The following PPFIA2 variants were observed in gnomAD, a reference collection of about 807,000 sequenced individuals.
The protein encoded by PPFIA2 is liprin-alpha-2.
Under a neutral mutation model 175.5 loss-of-function variants are expected in PPFIA2, and 46 were observed. The ratio of observed to expected loss-of-function variants is 0.26; its 90% CI spans 0.21 to 0.34. PPFIA2 has a LOEUF of 0.34. Ranked by LOEUF, PPFIA2 falls within the 10% of genes least tolerant of loss-of-function variation. The pLI, the probability that PPFIA2 is intolerant of heterozygous loss-of-function variation, is 1.00. For missense variants in PPFIA2, 1,179 were observed against 1,506.1 expected (o/e 0.78, Z 3.60); for synonymous variants, 568 against 511.4 (o/e 1.11, Z -1.49).
chr12:81,542,066 T>C (rs896875329), intron 4 of PPFIA2, among the ~76,000 whole-genome samples: 9 of 152,126 alleles, frequency 5.9e-5, no homozygotes, highest in Non-Finnish European at 1.3e-4. Context: ...CCCTGGAACT[T>C]ACGAACATTA....
intron 19 of PPFIA2, among the ~76,000 whole-genome samples, chr12:81,343,249 T>G (rs974427389): frequency 6.6e-6 from 1 of 152,068 alleles, no homozygotes. Context: ...TCTCACAAAT[T>G]ATGTTGTTAC....
chr12:81,580,546 T>C (rs925505180), intron 4 of PPFIA2, among the ~76,000 whole-genome samples: 7 of 151,326 alleles, frequency 4.6e-5, no homozygotes, highest in African/African-American at 1.7e-4. Flanking sequence ...AAATACACAT[T>C]AAATATAAAT....
chr12:81,369,244 CTT>C, intron 11 of PPFIA2, 50 bp from the exon 12 acceptor site: 1 of 1,581,930 alleles, frequency 6.3e-7, no homozygotes, highest in Middle Eastern at 1.7e-4. Flanking sequence ...TTGGTTAACA[CTT>C]TTCCTCTAAA....
chr12:81,522,365 TGTCTTGCATGATCAGA>T (rs2153242264), intron 4 of PPFIA2, among the ~76,000 whole-genome samples: 1 of 152,300 alleles, frequency 6.6e-6, no homozygotes, highest in African/African-American at 2.4e-5. Context: ...CAACTACATA[TGTCTTGCATGATCAGA>T]AAAATATGAT....
intron 7 of PPFIA2, among the ~76,000 whole-genome samples, chr12:81,411,143 C>G (rs1007069563): frequency 2.6e-5 from 4 of 152,064 alleles, no homozygotes; most frequent in Non-Finnish European, 5.9e-5. Flanking sequence ...ATTTACCAGA[C>G]AGACATGGTA....
chr12:81,642,764 ATATG>A lies in PPFIA2; in HGVS notation c.303+34023_303+34026del, dbSNP rs1167895620. 1.6e-3 allele frequency among the ~76,000 whole-genome samples: 19 copies of A among 11,734 alleles called. 4 individuals carry two copies. Among genetic ancestry groups the A allele is most frequent in the Non-Finnish European group, 4.1e-3 (18 of 4,418 alleles). 7.7% of individuals were successfully genotyped at this position (11,734 alleles called of 152,430 possible). A position where few individuals can be genotyped will look rare whatever the true frequency, so the allele number is the denominator to read the frequency against. On this transcript the variant is annotated intron_variant, in intron 4 of 32. Transcript: ENST00000549396. ...ATGTATGTATTATATACATACATGT[ATATG>A]TATGTATGTATTATATACATACATG... is the stretch of plus-strand genomic sequence containing the variant.
At chr12:81,476,043 TTGA>T (rs1420475758) in intron 4 of PPFIA2, among the ~76,000 whole-genome samples, 1 of 152,224 alleles carries the variant, frequency 6.6e-6, no homozygotes, top group Non-Finnish European at 1.5e-5. Context: ...TGTCTTTTTG[TTGA>T]TGATAAGTTT....
chr12:81,260,543 G>T (rs999369987), intron 32 of PPFIA2: 1 of 152,150 alleles, frequency 6.6e-6, no homozygotes, highest in Non-Finnish European at 1.5e-5. Flanking sequence ...TTTAAATCAT[G>T]TCTAATTAGG....
chr12:81,508,070 C>T (rs2061365193), intron 4 of PPFIA2, among the ~76,000 whole-genome samples: 1 of 152,132 alleles, frequency 6.6e-6, no homozygotes, highest in Admixed American at 6.5e-5. Context: ...CTAGTAGTCA[C>T]ATTGTATTAA....
chr12:81,439,966 G>A lies in PPFIA2; in HGVS notation c.645+6C>T. ...CCTCAAAAGAGGAGAAAGTGTGGCA[G>A]GTTACCTCCTGATTAGCAGCAGCTA... On this transcript the variant is annotated splice_donor_region_variant and intron_variant, in intron 7 of 32. Coordinates refer to ENST00000549396, the MANE Select transcript of PPFIA2 (RefSeq NM_003625.5). 1.2e-6 allele frequency: 2 copies of A among 1,604,000 alleles called. No homozygotes were observed. Among genetic ancestry groups the A allele is most frequent in the Non-Finnish European group, 1.7e-6 (2 of 1,176,050 alleles).
In PPFIA2 at chr12:81,560,967, G is replaced by A. The variant is rs567603226; in HGVS notation, c.304-103101C>T. On this transcript the variant is annotated intron_variant, in intron 4 of 32. Transcript: ENST00000549396. ...TTTATGCAAAAGACTTTCTGCCCAC[G>A]TTTTAAATCAATGAGCTTTGTTCCT... Among the ~76,000 whole-genome samples, 47 of 152,146 alleles carry A rather than the reference G, an allele frequency of 3.1e-4. 2 individuals are homozygous for A. The South Asian group carries it at 8.7e-3, about 28-fold the overall frequency.
At chr12:81,533,738 T>C (rs1969382) in intron 4 of PPFIA2, among the ~76,000 whole-genome samples, 2 of 68,614 alleles carry the variant, frequency 2.9e-5, no homozygotes, top group African/African-American at 8.0e-5. Flanking sequence ...TATCTATCTA[T>C]ATATCTATCT....
intron 3 of PPFIA2, among the ~76,000 whole-genome samples, chr12:81,713,714 G>T (rs987447117): frequency 1.2e-4 from 18 of 151,062 alleles, no homozygotes; most frequent in African/African-American, 3.9e-4. Context: ...TATTGTTCAG[G>T]TCACTGCTAT....
chr12:81,394,613 A>G (rs2040761931), intron 8 of PPFIA2, among the ~76,000 whole-genome samples: 1 of 152,000 alleles, frequency 6.6e-6, no homozygotes, highest in Admixed American at 6.6e-5. Context: ...ACGAGAACAC[A>G]TGGACACAGG....
intron 4 of PPFIA2, among the ~76,000 whole-genome samples, chr12:81,632,132 A>C (rs1432935344): frequency 6.6e-6 from 1 of 152,182 alleles, no homozygotes; most frequent in African/African-American, 2.4e-5. Flanking sequence ...CAGAAAATGC[A>C]GAAGTGAGAA....
chr12:81,716,220 C>T (rs2078600642), intron 3 of PPFIA2, among the ~76,000 whole-genome samples: 1 of 151,342 alleles, frequency 6.6e-6, no homozygotes, highest in Non-Finnish European at 1.5e-5. Context: ...AGAATGTGAA[C>T]CAAAGCTACA....
At chr12:81,473,082 T>A (rs1035815557) in intron 4 of PPFIA2, 1 of 152,206 alleles carries the variant, frequency 6.6e-6, no homozygotes, top group Non-Finnish European at 1.5e-5. Flanking sequence ...CTTGTAAGTA[T>A]TGAATTGCTA....
At chr12:81,457,596 G>A (rs931329198) in intron 5 of PPFIA2, among the ~76,000 whole-genome samples, 169 bp downstream of exon 5, 1 of 152,076 alleles carries the variant, frequency 6.6e-6, no homozygotes, top group Non-Finnish European at 1.5e-5. Context: ...CTGTCTTTTT[G>A]TTTTGAGTTT....
intron 4 of PPFIA2, chr12:81,512,324 CCA>C: frequency 2.3e-6 from 3 of 1,288,772 alleles, no homozygotes; most frequent in African/African-American, 3.0e-5. Flanking sequence ...TTCCCATCTC[CCA>C]CTGCTATCTC....
Sources: gnomAD v4.1 joint callset for allele counts (sites outside exome capture counted in the v4.1 genomes callset) on GRCh38, gnomAD v4.1.1 for gene constraint, MANE v1.5 for transcripts, NCBI Gene and HGNC (gene_info 2026-07-23, HGNC 2026-07-21) for gene names.